The following FSTL4 variants were observed in gnomAD, a reference collection of about 807,000 sequenced individuals.
FSTL4 encodes follistatin-related protein 4.
Under a neutral mutation model 78.2 loss-of-function variants are expected in FSTL4, and 28 were observed. The ratio of observed to expected loss-of-function variants is 0.36; its 90% CI spans 0.27 to 0.49. The LOEUF is 0.49. FSTL4 is among the 20% of genes least tolerant of loss of function. The pLI, the probability that FSTL4 is intolerant of heterozygous loss-of-function variation, is 0.98. For synonymous variants in FSTL4, 422 were observed against 440.5 expected (o/e 0.96, Z 0.53); for missense variants, 922 against 1,084.9 (o/e 0.85, Z 2.11).
At chr5:133,240,852 A>G (rs1009194003) in intron 7 of FSTL4, among the ~76,000 whole-genome samples, 4 of 152,132 alleles carry the variant, frequency 2.6e-5, no homozygotes, top group Admixed American at 6.5e-5. Flanking sequence ...AATTCATATT[A>G]CCCAGGGAGG....
chr5:133,404,999 G>A (rs80275585), intron 3 of FSTL4, among the ~76,000 whole-genome samples: 1,645 of 152,294 alleles, frequency 0.011, 30 homozygotes, highest in African/African-American at 0.037. Context: ...GGATGCCAGC[G>A]GCCTGCTGGC....
At chr5:133,608,544 T>A (rs1761021594) in intron 1 of FSTL4, among the ~76,000 whole-genome samples, 1 of 152,228 alleles carries the variant, frequency 6.6e-6, no homozygotes, top group African/African-American at 2.4e-5. Context: ...ACTGTTTGGT[T>A]CCTTATATTA....
intron 3 of FSTL4, among the ~76,000 whole-genome samples, chr5:133,560,699 G>T (rs1580789553): frequency 6.7e-6 from 1 of 149,860 alleles, no homozygotes; most frequent in Non-Finnish European, 1.5e-5. Context: ...CCATCTTAAA[G>T]GCTTAGTTCT....
the FSTL4 span, among the ~76,000 whole-genome samples, chr5:133,633,653 C>T: frequency 3.9e-3 from 598 of 152,266 alleles, 4 homozygotes; most frequent in African/African-American, 0.013. Flanking sequence ...TTGATATCTT[C>T]CTGGTTGGTT....
At chr5:133,453,276 CCAT>C (rs775107477) in intron 3 of FSTL4, among the ~76,000 whole-genome samples, 9 of 151,900 alleles carry the variant, frequency 5.9e-5, no homozygotes, top group East Asian at 1.9e-4. Context: ...TTCATCATCA[CCAT>C]CATCATCATC....
At chr5:133,421,486 C>T (rs1268879769) in intron 3 of FSTL4, among the ~76,000 whole-genome samples, 1 of 151,694 alleles carries the variant, frequency 6.6e-6, no homozygotes, top group Admixed American at 6.6e-5. Flanking sequence ...CCAGGCCCGA[C>T]AGCTGAGCAT....
At position 133,524,684 on chromosome 5, in the gene FSTL4, C is replaced by T. The variant is rs200981249; in HGVS notation, c.160+42502G>A. ...CTCCAGAAATGCACCCCCCACCCCGCCCCTGGGTGGGTTGTACAATACTGC... is the reference window on the plus strand; with the variant it reads ...CTCCAGAAATGCACCCCCCACCCCGTCCCTGGGTGGGTTGTACAATACTGC... On this transcript the variant is annotated intron_variant, in intron 3 of 15. Coordinates refer to ENST00000265342, the MANE Select transcript of FSTL4 (RefSeq NM_015082.2). 2.6e-5 allele frequency among the ~76,000 whole-genome samples: 4 copies of T among 152,182 alleles called. No homozygotes were observed. In the East Asian group the frequency reaches 7.7e-4, roughly 29 times the overall value.
the FSTL4 span, among the ~76,000 whole-genome samples, chr5:133,705,540 C>T: frequency 0.026 from 3,996 of 152,158 alleles, 80 homozygotes; most frequent in South Asian, 0.059. Flanking sequence ...CTCAGTTGGG[C>T]CATAAATCCT....
At chr5:133,599,654 A>G (rs1429481318) in intron 2 of FSTL4, among the ~76,000 whole-genome samples, 1 of 152,232 alleles carries the variant, frequency 6.6e-6, no homozygotes, top group Admixed American at 6.5e-5. Flanking sequence ...GACGTATAAG[A>G]CCATGTAACG....
rs983812459 is a variant in FSTL4 at position 133,236,298 on chromosome 5, C to T, written c.895-2761G>A. On this transcript the variant is annotated intron_variant, in intron 7 of 15. Transcript: ENST00000265342. This position sits in a 1 kb window ranked among gnomAD's most constrained non-coding sequence, Gnocchi z 5.0. The stretch of plus-strand genomic sequence containing the variant: ...GGGCCCTGGGCTCTGAGGGCTGTCC[C>T]AAGGCCACTGTTCCCAGATATCAAC... Among the ~76,000 whole-genome samples the T allele has an allele frequency of 5.3e-5, 8 of 152,120 alleles. No individual in the cohort carries two copies. The highest frequency in any genetic ancestry group is 1.9e-4 in the African/African-American group (8 of 41,416).
chr5:133,399,672 C>T (rs148438637), intron 4 of FSTL4, among the ~76,000 whole-genome samples: 148 of 152,362 alleles, frequency 9.7e-4, no homozygotes, highest in African/African-American at 3.2e-3. Context: ...CAGGCCTTTA[C>T]AGCCTGGACT....
At chr5:133,398,247 A>T (rs1756124870) in intron 4 of FSTL4, among the ~76,000 whole-genome samples, 1 of 152,148 alleles carries the variant, frequency 6.6e-6, no homozygotes, top group Non-Finnish European at 1.5e-5. Flanking sequence ...TATGGGAATG[A>T]TCGAGGAGAG....
the FSTL4 span, among the ~76,000 whole-genome samples, chr5:133,704,448 C>T: frequency 6.6e-6 from 1 of 152,136 alleles, no homozygotes; most frequent in Non-Finnish European, 1.5e-5. Context: ...GGTTCAGGCC[C>T]CCAGGCAGAA....
chr5:133,821,079 T>C, the FSTL4 span, among the ~76,000 whole-genome samples: 1 of 152,226 alleles, frequency 6.6e-6, no homozygotes, highest in Non-Finnish European at 1.5e-5. Flanking sequence ...AACTATCTCA[T>C]AGGCTGTTGC....
chr5:133,468,877 C>T (rs944401432), intron 3 of FSTL4, among the ~76,000 whole-genome samples: 11 of 152,048 alleles, frequency 7.2e-5, no homozygotes, highest in Admixed American at 2.0e-4. Context: ...ATAACACACA[C>T]GAGGGAAGAG....
the FSTL4 span, among the ~76,000 whole-genome samples, chr5:133,759,713 A>T: frequency 6.6e-6 from 1 of 152,206 alleles, no homozygotes; most frequent in Admixed American, 6.5e-5. Flanking sequence ...GCAGCTATTC[A>T]TGCCGTGGGA....
At chr5:133,299,099 A>C (rs1753471878) in intron 6 of FSTL4, among the ~76,000 whole-genome samples, 1 of 152,020 alleles carries the variant, frequency 6.6e-6, no homozygotes, top group Non-Finnish European at 1.5e-5. Context: ...CACACTGCTC[A>C]CTCTGGGGCC....
chr5:133,254,098 T>C (rs1284266097), intron 6 of FSTL4, among the ~76,000 whole-genome samples: 1 of 152,190 alleles, frequency 6.6e-6, no homozygotes, highest in Non-Finnish European at 1.5e-5. Context: ...TTTTTCAGGC[T>C]TAGTAACAGA....
chr5:133,420,164 C>T (rs991852229), intron 3 of FSTL4, among the ~76,000 whole-genome samples: 3 of 152,178 alleles, frequency 2.0e-5, no homozygotes, highest in African/African-American at 7.2e-5. Flanking sequence ...AGTTTCCTTA[C>T]TGTATGGTTC....
Sources: allele counts gnomAD v4.1 joint callset (sites outside exome capture counted in the v4.1 genomes callset), GRCh38; gene constraint gnomAD v4.1.1; non-coding constraint Gnocchi (gnomAD v3.1); transcripts MANE v1.5; gene names NCBI Gene and HGNC (gene_info 2026-07-23, HGNC 2026-07-21).